BEND7: variants seen among roughly 807,000 people sequenced by gnomAD.
BEND7 encodes BEN domain-containing protein 7.
BEND7 carries 28 observed loss-of-function variants against 50.9 expected under a neutral mutation model. That is an observed-to-expected ratio of 0.55 (90% CI 0.41 to 0.75). The LOEUF is 0.75. Ranked by LOEUF, BEND7 falls within the 30% of genes least tolerant of loss-of-function variation. BEND7 has a pLI of 0.00. For missense variants in BEND7, 477 were observed against 491.3 expected, an observed-to-expected ratio of 0.97 and a Z score of 0.28; for synonymous variants, 170 against 183.9, an observed-to-expected ratio of 0.92 and a Z score of 0.61.
chr10:13,478,151 C>G (rs140023196), intron 6 of BEND7, among the ~76,000 whole-genome samples: 249 of 152,266 alleles, frequency 1.6e-3, no homozygotes, highest in African/African-American at 5.8e-3. Context: ...CTCAGAAGAA[C>G]AGGTGACAGC....
chr10:13,470,338 C>T (rs1370946159), intron 6 of BEND7, among the ~76,000 whole-genome samples: 2 of 152,208 alleles, frequency 1.3e-5, no homozygotes, highest in African/African-American at 2.4e-5. Context: ...GCAACAGTGC[C>T]CACAATGGTG....
chr10:13,468,737 G>A (rs745613681), intron 6 of BEND7, among the ~76,000 whole-genome samples: 1 of 152,230 alleles, frequency 6.6e-6, no homozygotes, highest in Admixed American at 6.5e-5. Context: ...AGGGACAAAA[G>A]GAGTTGATAG....
At position 13,492,910 on chromosome 10, in the gene BEND7, C is replaced by T. The variant is rs565389033; in HGVS notation, c.572-34G>A. On this transcript the variant is annotated intron_variant, in intron 4 of 8. Transcript: ENST00000466271. ...AATAAACAAAAATATGGTACAGGCA[C>T]GTGTGTCTGACTTAGGAAAACTTAT... is the stretch of plus-strand genomic sequence containing the variant. The T allele has an allele frequency of 8.9e-6, 14 of 1,579,266 alleles. 1 individual carries two copies. The South Asian group carries it at 1.1e-4, about 12-fold the overall frequency.
chr10:13,468,096 C>G (rs2074434931), intron 6 of BEND7, among the ~76,000 whole-genome samples: 1 of 152,214 alleles, frequency 6.6e-6, no homozygotes, highest in Admixed American at 6.5e-5. Context: ...CAGCACCATA[C>G]TGACCCTCAG....
chr10:13,498,406 T>C (rs866836168), intron 3 of BEND7, among the ~76,000 whole-genome samples: 2 of 152,166 alleles, frequency 1.3e-5, no homozygotes, highest in Admixed American at 6.5e-5. Context: ...AAAATATCTA[T>C]TTTCAAACTG....
chr10:13,500,036 T>C lies in BEND7; in HGVS notation c.190A>G (p.Arg64Gly). Residue 64 changes from arginine (R) to glycine (G), a missense_variant, in exon 3 of 9, where the codon AGA becomes GGA. This residue lies in a region of BEND7 where 396 missense variants were observed against 384.2 expected (regional missense o/e 1.03). Transcript: ENST00000466271. ...EIKKQITGMR[R>G]LLNDSTGRIY... is the part of the protein sequence containing the mutation. Reference sequence around the variant, plus strand: ...CGCCCAGTGCTGTCGTTCAGCAATCTTCTCATCCCTGTAATTTGCTTTTTT... The same window carrying C: ...CGCCCAGTGCTGTCGTTCAGCAATCCTCTCATCCCTGTAATTTGCTTTTTT... 6.2e-7 allele frequency: 1 copy of C among 1,608,208 alleles called. No individual in the cohort carries two copies. Among genetic ancestry groups the C allele is most frequent in the Non-Finnish European group, 8.5e-7 (1 of 1,175,326 alleles).
chr10:13,439,797 A>C (rs937828749), downstream of BEND7, among the ~76,000 whole-genome samples: 2 of 152,088 alleles, frequency 1.3e-5, no homozygotes, highest in Admixed American at 1.3e-4. Context: ...GATCGACCTA[A>C]GATAGGACTC....
intron 6 of BEND7, among the ~76,000 whole-genome samples, chr10:13,479,302 C>A (rs972843903): frequency 2.0e-5 from 3 of 152,118 alleles, no homozygotes; most frequent in Non-Finnish European, 4.4e-5. Flanking sequence ...AGCCACCGCG[C>A]CTGGCCTGTA....
chr10:13,490,677 C>T (rs976704597), intron 5 of BEND7, among the ~76,000 whole-genome samples: 2 of 152,226 alleles, frequency 1.3e-5, no homozygotes, highest in Non-Finnish European at 2.9e-5. Flanking sequence ...CCCTCCTGCC[C>T]ACAGATAAAG....
intron 2 of BEND7, among the ~76,000 whole-genome samples, chr10:13,521,216 C>A (rs2079057615): frequency 6.6e-6 from 1 of 152,102 alleles, no homozygotes; most frequent in Admixed American, 6.5e-5. Context: ...CGCTTGGGAG[C>A]ACGTTTGAAC....
At chr10:13,502,913 C>G (rs2077585532) in intron 2 of BEND7, 1 of 985,554 alleles carries the variant, frequency 1.0e-6, no homozygotes, top group Admixed American at 6.1e-5. Context: ...TGACACATCA[C>G]AGGAGAAGGG....
intron 6 of BEND7, among the ~76,000 whole-genome samples, chr10:13,463,652 G>C (rs1188273929): frequency 6.6e-6 from 1 of 152,032 alleles, no homozygotes; most frequent in Non-Finnish European, 1.5e-5. Context: ...AAAAATAAAA[G>C]GATATAATTA....
chr10:13,488,102 A>T (rs11593735), intron 5 of BEND7, among the ~76,000 whole-genome samples: 1 of 151,774 alleles, frequency 6.6e-6, no homozygotes. Context: ...AAAAAAAAAA[A>T]AAAAGCAAGC....
intron 6 of BEND7, among the ~76,000 whole-genome samples, chr10:13,460,813 A>G (rs1840061822): frequency 6.6e-6 from 1 of 152,236 alleles, no homozygotes; most frequent in South Asian, 2.1e-4. Context: ...GAGGGTTACA[A>G]ATCTGGGACT....
At position 13,441,498 on chromosome 10, in the gene BEND7, C is replaced by A; in HGVS notation, c.*245G>T. The A allele has an allele frequency of 7.3e-7, 1 of 1,366,984 alleles. No individual in the cohort carries two copies. The highest frequency in any genetic ancestry group is 1.5e-5 in the African/African-American group (1 of 67,772). 84.7% of individuals were successfully genotyped at this position (1,366,984 alleles called of 1,614,324 possible). On this transcript the variant is annotated 3_prime_UTR_variant, in exon 9 of 9. Coordinates refer to ENST00000466271, the MANE Select transcript of BEND7 (RefSeq NM_001369863.1). The stretch of plus-strand genomic sequence containing the variant: ...ACCCGTCCTCAAGTGCTGAACACCC[C>A]AAGCTGTGGCCCCGCCTTGGAAGGC...
At position 13,490,616 on chromosome 10, in the gene BEND7, G is replaced by A. The variant is rs80174123; in HGVS notation, c.837+1995C>T. ...GTCAGCCGCATGCTGTTCTAGCTAC[G>A]GTTCTAAGATTCAGGCACAATTCTT... is the stretch of plus-strand genomic sequence containing the variant. On this transcript the variant is annotated intron_variant, in intron 5 of 8. Transcript: ENST00000466271. 4.3e-3 allele frequency among the ~76,000 whole-genome samples: 653 copies of A among 152,218 alleles called. 2 individuals are homozygous for A. The highest frequency in any genetic ancestry group is 7.5e-3 in the Non-Finnish European group (508 of 68,014).
chr10:13,510,402 T>A (rs565623410), intron 2 of BEND7, among the ~76,000 whole-genome samples: 7 of 152,332 alleles, frequency 4.6e-5, no homozygotes, highest in Middle Eastern at 3.4e-3. Flanking sequence ...AATATGGGAA[T>A]TCCACTTACC....
Position 13,478,045 on chromosome 10 carries a change from G to A in BEND7, c.1063+2854C>T, listed in dbSNP as rs146068878. ...CCGCAGGAAAGAAAAGTGAGATCTA[G>A]AAGCATATATACCCTCTTTATAGGG... On this transcript the variant is annotated intron_variant, in intron 6 of 8. Coordinates refer to ENST00000466271, the MANE Select transcript of BEND7 (RefSeq NM_001369863.1). Among the ~76,000 whole-genome samples, 887 of 152,320 alleles carry A rather than the reference G, an allele frequency of 5.8e-3. 10 individuals are homozygous for A. The highest frequency in any genetic ancestry group is 7.1e-3 in the Admixed American group (108 of 15,302).
chr10:13,480,756 A>G (rs766354694), intron 6 of BEND7, 143 bp downstream of exon 6: 149 of 1,469,844 alleles, frequency 1.0e-4, no homozygotes, highest in Non-Finnish European at 1.3e-4. Flanking sequence ...CAGAGCTCAC[A>G]CCCGAAAGCC....
Sources: allele counts gnomAD v4.1 joint callset (sites outside exome capture counted in the v4.1 genomes callset), GRCh38; gene constraint gnomAD v4.1.1; regional missense constraint gnomAD v4.1.1; transcripts MANE v1.5; gene names NCBI Gene and HGNC (gene_info 2026-07-23, HGNC 2026-07-21).